DOK6: variants seen among roughly 807,000 people sequenced by gnomAD.
The protein encoded by DOK6 is downstream of tyrosine kinase 6.
In DOK6, 22 loss-of-function variants were observed where a neutral mutation model predicts 44.0. The ratio of observed to expected loss-of-function variants is 0.50; its 90% confidence interval spans 0.36 to 0.71. The LOEUF is 0.71. DOK6 is among the 30% of genes least tolerant of loss of function. The pLI is 0.00. For synonymous variants in DOK6, 166 were observed against 145.5 expected (o/e 1.14, Z -1.01); for missense variants, 340 against 416.4 (o/e 0.82, Z 1.60).
intron 7 of DOK6, among the ~76,000 whole-genome samples, chr18:69,813,375 A>T (rs1981299974): frequency 1.3e-5 from 2 of 152,128 alleles, no homozygotes; most frequent in Non-Finnish European, 2.9e-5. Context: ...GTATTTAATG[A>T]AAGGCTGTGA....
intron 1 of DOK6, among the ~76,000 whole-genome samples, chr18:69,518,818 G>A (rs1340548997): frequency 6.6e-6 from 1 of 152,026 alleles, no homozygotes; most frequent in Non-Finnish European, 1.5e-5. Flanking sequence ...ATATTGACCT[G>A]GTGTAGTGTC....
intron 1 of DOK6, among the ~76,000 whole-genome samples, chr18:69,487,249 G>A (rs1980609546): frequency 6.6e-6 from 1 of 151,362 alleles, no homozygotes; most frequent in African/African-American, 2.4e-5. Context: ...GTGTGTTGGG[G>A]GGTATCAGCC....
At chr18:69,619,644 T>G (rs995330152) in intron 3 of DOK6, among the ~76,000 whole-genome samples, 4 of 152,206 alleles carry the variant, frequency 2.6e-5, no homozygotes, top group African/African-American at 9.6e-5. Context: ...GGAAAATGAA[T>G]GAACTAATTG....
chr18:69,706,106 T>C lies in DOK6; in HGVS notation c.599+7513T>C, dbSNP rs80189966. On this transcript the variant is annotated intron_variant, in intron 5 of 7. Transcript: ENST00000382713. ...ACATGCCTCATCCTTGTAACTGGGG[T>C]AACCATTTGTGTTGGCTAATTGGCT... is the stretch of plus-strand genomic sequence containing the variant. 3.7e-3 allele frequency among the ~76,000 whole-genome samples: 561 copies of C among 152,272 alleles called. 6 individuals carry two copies. The highest frequency in any genetic ancestry group is 0.013 in the African/African-American group (544 of 41,546).
chr18:69,635,560 G>T (rs1984786270), intron 3 of DOK6, among the ~76,000 whole-genome samples: 1 of 152,204 alleles, frequency 6.6e-6, no homozygotes, highest in Non-Finnish European at 1.5e-5. Flanking sequence ...CCTCAGGACA[G>T]ATTTTAGGAG....
intron 2 of DOK6, among the ~76,000 whole-genome samples, chr18:69,582,385 G>A (rs113068274): frequency 0.011 from 1,705 of 152,288 alleles, 37 homozygotes; most frequent in African/African-American, 0.038. Context: ...ATAGGTGAAC[G>A]TCAGCCAAAC....
chr18:69,657,198 A>G (rs117716971), intron 3 of DOK6, among the ~76,000 whole-genome samples: 1 of 152,204 alleles, frequency 6.6e-6, no homozygotes, highest in Non-Finnish European at 1.5e-5. Context: ...GATGGGAAGG[A>G]TGACTGCGAT....
intron 1 of DOK6, among the ~76,000 whole-genome samples, chr18:69,505,834 C>T (rs1981171603): frequency 6.6e-6 from 1 of 150,956 alleles, no homozygotes; most frequent in South Asian, 2.1e-4. Context: ...TGCAAGCAAA[C>T]AAAACAAAAC....
At chr18:69,458,130 C>G (rs1979680988) in intron 1 of DOK6, among the ~76,000 whole-genome samples, 1 of 152,178 alleles carries the variant, frequency 6.6e-6, no homozygotes, top group Admixed American at 6.5e-5. Flanking sequence ...TGCACTCCAG[C>G]CTGGGCAACA....
chr18:69,683,512 G>C (rs1402069761), intron 4 of DOK6, among the ~76,000 whole-genome samples: 1 of 152,248 alleles, frequency 6.6e-6, no homozygotes, highest in African/African-American at 2.4e-5. Flanking sequence ...CTCAGAGATA[G>C]ATATGGACAA....
chr18:69,539,210 C>T (rs1219007352), intron 1 of DOK6, among the ~76,000 whole-genome samples: 2 of 152,114 alleles, frequency 1.3e-5, no homozygotes, highest in Non-Finnish European at 2.9e-5. Flanking sequence ...AAAAACAACA[C>T]CTCACATACC....
chr18:69,483,287 A>G (rs1980481574), intron 1 of DOK6, among the ~76,000 whole-genome samples: 1 of 152,000 alleles, frequency 6.6e-6, no homozygotes, highest in Non-Finnish European at 1.5e-5. Context: ...CTCAGGATAC[A>G]AAAAATCAAT....
chr18:69,664,212 C>T (rs1021219127), intron 3 of DOK6, among the ~76,000 whole-genome samples: 13 of 152,126 alleles, frequency 8.5e-5, no homozygotes, highest in Non-Finnish European at 1.6e-4. Context: ...ATGTTGTTTT[C>T]ATACGAATTT....
intron 6 of DOK6, among the ~76,000 whole-genome samples, chr18:69,753,283 T>TC (rs1370702943): frequency 6.6e-6 from 1 of 152,156 alleles, no homozygotes; most frequent in Non-Finnish European, 1.5e-5. Context: ...ACAAGAGCCC[T>TC]CTAAATCTAA....
intron 1 of DOK6, among the ~76,000 whole-genome samples, chr18:69,452,375 T>A (rs1979495238): frequency 6.7e-6 from 1 of 149,414 alleles, no homozygotes; most frequent in Non-Finnish European, 1.5e-5. Context: ...AGAAGTTGAA[T>A]CTCTGAATAG....
chr18:69,761,871 C>T (rs1979567324), intron 7 of DOK6, among the ~76,000 whole-genome samples: 2 of 152,056 alleles, frequency 1.3e-5, no homozygotes, highest in African/African-American at 2.4e-5. Context: ...CGCAAGTTAC[C>T]GGCAGCGAAT....
At position 69,710,789 on chromosome 18, in the gene DOK6, TA is replaced by T. The variant is rs1294583386; in HGVS notation, c.599+12197del. ...CCATGAGAACAAAAACCGATTAAAC[TA>T]CAAATAAAATTGGGTATTTTTTGTT... On this transcript the variant is annotated intron_variant, in intron 5 of 7. Coordinates refer to ENST00000382713, the MANE Select transcript of DOK6 (RefSeq NM_152721.6). 3.3e-5 allele frequency among the ~76,000 whole-genome samples: 5 copies of T among 152,338 alleles called. No individual in the cohort carries two copies. In the East Asian group the frequency reaches 9.6e-4, roughly 29 times the overall value.
At chr18:69,432,776 A>C (rs549825029) in intron 1 of DOK6, among the ~76,000 whole-genome samples, 1 of 152,356 alleles carries the variant, frequency 6.6e-6, no homozygotes, top group South Asian at 2.1e-4. Context: ...TAATGAAAGA[A>C]AATACAATTT....
At chr18:69,576,124 G>C (rs1983232749) in intron 2 of DOK6, among the ~76,000 whole-genome samples, 1 of 152,068 alleles carries the variant, frequency 6.6e-6, no homozygotes, top group African/African-American at 2.4e-5. Flanking sequence ...CTGAGGTGCA[G>C]GTAAATAAAG....
Sources: allele counts gnomAD v4.1 joint callset (sites outside exome capture counted in the v4.1 genomes callset), GRCh38; gene constraint gnomAD v4.1.1; transcripts MANE v1.5; gene names NCBI Gene and HGNC (gene_info 2026-07-23, HGNC 2026-07-21).